LRRIQ4: variants seen among roughly 807,000 people sequenced by gnomAD.
LRRIQ4 encodes leucine rich repeats and IQ motif containing 4, also known as leucine-rich repeat and IQ domain-containing protein 4.
A neutral mutation model predicts 40.1 loss-of-function variants in LRRIQ4; 21 were observed. That is an observed-to-expected ratio of 0.52 (90% CI 0.37 to 0.75). The LOEUF is 0.75. LRRIQ4 is among the 30% of genes least tolerant of loss of function. The pLI, the probability that LRRIQ4 is intolerant of heterozygous loss-of-function variation, is 0.00. For synonymous variants in LRRIQ4, 277 were observed against 277.1 expected (o/e 1.00, Z 0.00); for missense variants, 655 against 660.0 (o/e 0.99, Z 0.08).
chr3:169,822,365 A>C lies in LRRIQ4; in HGVS notation c.444A>C (p.Gly148=), dbSNP rs775313676. The C allele has an allele frequency of 9.9e-6, 16 of 1,613,110 alleles. No homozygotes were observed. Among genetic ancestry groups the C allele is most frequent in the Non-Finnish European group, 1.3e-5 (15 of 1,179,536 alleles). Residue 148 remains glycine (G), a synonymous_variant, in exon 2 of 6, where the codon GGA becomes GGC. Transcript: ENST00000340806. ...FKNLHHLELL[G]LTGNHLKCLP... is the part of the protein sequence containing the mutation. Reference sequence around the variant, plus strand: ...ACCTCCACCATCTCGAGCTGCTCGGACTGACCGGAAACCACCTGAAATGTC... The same window carrying C: ...ACCTCCACCATCTCGAGCTGCTCGGCCTGACCGGAAACCACCTGAAATGTC...
At chr3:169,819,590 A>G (rs1779832804) in intron 1 of LRRIQ4, among the ~76,000 whole-genome samples, 1 of 152,210 alleles carries the variant, frequency 6.6e-6, no homozygotes, top group Non-Finnish European at 1.5e-5. Context: ...GATGTTAAAA[A>G]TCTAGGTGAG....
At chr3:169,834,291 G>A (rs1177546382) in intron 5 of LRRIQ4, among the ~76,000 whole-genome samples, 1 of 152,226 alleles carries the variant, frequency 6.6e-6, no homozygotes, top group Non-Finnish European at 1.5e-5. Context: ...GAACCCAGGA[G>A]GCGGGGGTTA....
chr3:169,814,048 A>G (rs1261511277), intron 1 of LRRIQ4, among the ~76,000 whole-genome samples: 1 of 152,118 alleles, frequency 6.6e-6, no homozygotes, highest in Non-Finnish European at 1.5e-5. Context: ...GCTTGCGTCA[A>G]TCAGCTCAGT....
chr3:169,830,825 A>AT (rs1780154732), intron 4 of LRRIQ4, among the ~76,000 whole-genome samples, 195 bp downstream of exon 4: 1 of 152,222 alleles, frequency 6.6e-6, no homozygotes, highest in South Asian at 2.1e-4. Context: ...AGAGTCTTGC[A>AT]AAGGCAGTTA....
Position 169,822,267 on chromosome 3 carries a change from T to C in LRRIQ4, c.346T>C (p.Phe116Leu). ...IFSSSLVVVS[F>L]LHALRELRLY... The stretch of plus-strand genomic sequence containing the variant: ...CTCCTCCTCCCTTGTCGTTGTCAGC[T>C]TCCTCCACGCCCTGCGCGAGCTCCG... The change falls in exon 2 of 6, where the codon TTC becomes CTC. Residue 116 changes from phenylalanine to leucine, a missense_variant. Coordinates refer to ENST00000340806, the MANE Select transcript of LRRIQ4 (RefSeq NM_001080460.3). 6.2e-7 allele frequency: 1 copy of C among 1,610,764 alleles called. No homozygotes were observed. The highest frequency in any genetic ancestry group is 8.5e-7 in the Non-Finnish European group (1 of 1,178,776).
At chr3:169,835,326 A>C (rs1197044115) in intron 5 of LRRIQ4, among the ~76,000 whole-genome samples, 2 of 149,730 alleles carry the variant, frequency 1.3e-5, no homozygotes, top group Non-Finnish European at 3.0e-5. Flanking sequence ...AGAGTCATTC[A>C]TTTTCTCATC....
chr3:169,818,452 G>C (rs9845710), intron 1 of LRRIQ4, among the ~76,000 whole-genome samples: 2,381 of 152,202 alleles, frequency 0.016, 65 homozygotes, highest in African/African-American at 0.054. Context: ...ATCTTGCTCT[G>C]CCTCCAGGAA....
chr3:169,828,264 G>C lies in LRRIQ4; in HGVS notation c.1021-495G>C, dbSNP rs145229199. On this transcript the variant is annotated intron_variant, in intron 2 of 5. Coordinates refer to ENST00000340806, the MANE Select transcript of LRRIQ4 (RefSeq NM_001080460.3). Reference sequence around the variant, plus strand: ...TTTTTTTTTTTTGAGACAGATTCTCGCTCTGTCGCCCAGGCTGGAGTGCAG... The same window carrying C: ...TTTTTTTTTTTTGAGACAGATTCTCCCTCTGTCGCCCAGGCTGGAGTGCAG... Among the ~76,000 whole-genome samples the C allele has an allele frequency of 8.8e-4, 133 of 150,978 alleles. 3 individuals are homozygous for C. The South Asian group carries it at 0.023, about 27-fold the overall frequency.
chr3:169,823,813 A>G (rs912638226), intron 2 of LRRIQ4, among the ~76,000 whole-genome samples: 1 of 152,226 alleles, frequency 6.6e-6, no homozygotes, highest in East Asian at 1.9e-4. Flanking sequence ...GGCATATTCA[A>G]AAATGGTCAT....
At chr3:169,833,780 C>G (rs575650954) in intron 5 of LRRIQ4, among the ~76,000 whole-genome samples, 1 of 152,166 alleles carries the variant, frequency 6.6e-6, no homozygotes, top group African/African-American at 2.4e-5. Context: ...GCCAGCCCCC[C>G]ACAACATACC....
intron 1 of LRRIQ4, among the ~76,000 whole-genome samples, chr3:169,814,608 C>T (rs1054984588): frequency 6.6e-6 from 1 of 152,122 alleles, no homozygotes; most frequent in African/African-American, 2.4e-5. Context: ...ACCTCAGCCT[C>T]CAGAATAGCC....
intron 5 of LRRIQ4, among the ~76,000 whole-genome samples, chr3:169,836,238 A>T (rs1780299242): frequency 1.3e-5 from 2 of 152,068 alleles, no homozygotes; most frequent in Non-Finnish European, 2.9e-5. Context: ...TAGTGTGTGG[A>T]GGTGGAGAAG....
At chr3:169,831,152 A>G (rs957212546) in intron 4 of LRRIQ4, among the ~76,000 whole-genome samples, 3 of 149,916 alleles carry the variant, frequency 2.0e-5, no homozygotes, top group African/African-American at 4.9e-5. Context: ...ACATTCATCC[A>G]TCCACTTAAT....
intron 4 of LRRIQ4, among the ~76,000 whole-genome samples, chr3:169,830,989 G>A (rs1157311425): frequency 1.3e-5 from 2 of 152,154 alleles, no homozygotes; most frequent in Non-Finnish European, 2.9e-5. Context: ...TCTAGGTCAC[G>A]GAGTCACTTG....
intron 2 of LRRIQ4, among the ~76,000 whole-genome samples, chr3:169,827,571 C>T (rs923861047): frequency 7.3e-6 from 1 of 136,442 alleles, no homozygotes; most frequent in African/African-American, 2.8e-5. Flanking sequence ...CGCGCCACTG[C>T]ACTCCAGCCT....
intron 3 of LRRIQ4, among the ~76,000 whole-genome samples, chr3:169,830,063 T>C (rs1024247815): frequency 5.6e-4 from 86 of 152,258 alleles, no homozygotes; most frequent in African/African-American, 2.0e-3. Context: ...TCAAATCCAT[T>C]CCCTGTGCAT....
At chr3:169,834,754 C>T (rs1780267854) in intron 5 of LRRIQ4, among the ~76,000 whole-genome samples, 1 of 152,056 alleles carries the variant, frequency 6.6e-6, no homozygotes, top group Non-Finnish European at 1.5e-5. Flanking sequence ...CAAAATTGAT[C>T]CTAAGGTTTT....
At chr3:169,817,858 G>A (rs934663278) in intron 1 of LRRIQ4, among the ~76,000 whole-genome samples, 17 of 152,192 alleles carry the variant, frequency 1.1e-4, no homozygotes, top group Admixed American at 9.8e-4. Context: ...GCCACAGATC[G>A]ATCATTGGGT....
At chr3:169,820,993 G>T (rs1025794332) in intron 1 of LRRIQ4, among the ~76,000 whole-genome samples, 6 of 152,184 alleles carry the variant, frequency 3.9e-5, no homozygotes, top group Non-Finnish European at 7.3e-5. Context: ...AGTTTGGCAG[G>T]TTTATTCTTC....
Sources: allele counts gnomAD v4.1 joint callset (sites outside exome capture counted in the v4.1 genomes callset), GRCh38; gene constraint gnomAD v4.1.1; transcripts MANE v1.5; gene names NCBI Gene and HGNC (gene_info 2026-07-23, HGNC 2026-07-21).